ADAMTSL1: variants seen among roughly 807,000 people sequenced by gnomAD.
ADAMTSL1 encodes the protein ADAMTS like 1, also known as ADAMTS-like protein 1.
A neutral mutation model predicts 201.8 loss-of-function variants in ADAMTSL1; 126 were observed. That is an observed-to-expected ratio of 0.62 (90% CI 0.54 to 0.72). The LOEUF is 0.72. ADAMTSL1 is among the 30% of genes least tolerant of loss of function. The probability of loss-of-function intolerance (pLI) is 0.00; values close to 1 mark genes in which losing one functional copy is unlikely to be tolerated. For missense variants in ADAMTSL1, 2,679 were observed against 2,277.8 expected (o/e 1.18, Z -3.59); for synonymous variants, 1,121 against 903.4 (o/e 1.24, Z -4.32).
In ADAMTSL1 at chr9:18,844,831, AC is replaced by A. The variant is rs1357566580; in HGVS notation, c.4249+14857del. ...ATCAGCAAGACTCTGTGGGCATAGGACCCTCCGAGCCATGTGCGGGATATAA... is the reference window on the plus strand; with the variant it reads ...ATCAGCAAGACTCTGTGGGCATAGGACCTCCGAGCCATGTGCGGGATATAA... On this transcript the variant is annotated intron_variant, in intron 23 of 28. Coordinates refer to ENST00000380548, the MANE Select transcript of ADAMTSL1 (RefSeq NM_001040272.6). Among the ~76,000 whole-genome samples, 6 of 152,142 alleles carry A rather than the reference AC, an allele frequency of 3.9e-5. No individual in the cohort carries two copies. In the East Asian group the frequency reaches 1.2e-3, roughly 30 times the overall value.
intron 7 of ADAMTSL1, among the ~76,000 whole-genome samples, chr9:18,653,506 TG>T: frequency 6.6e-6 from 1 of 151,926 alleles, no homozygotes; most frequent in South Asian, 2.1e-4. Flanking sequence ...TTGGGCACAG[TG>T]GCTTATGCCT....
intron 1 of ADAMTSL1, among the ~76,000 whole-genome samples, chr9:18,098,009 A>C (rs1356569804): frequency 6.6e-6 from 1 of 151,968 alleles, no homozygotes; most frequent in Non-Finnish European, 1.5e-5. Flanking sequence ...TTTGTATACA[A>C]TGTAAATTGG....
At chr9:18,086,550 T>C (rs1281324826) in intron 1 of ADAMTSL1, among the ~76,000 whole-genome samples, 4 of 152,222 alleles carry the variant, frequency 2.6e-5, no homozygotes, top group Non-Finnish European at 4.4e-5. Context: ...TTCTTTTACC[T>C]ACTGGTTTAT....
At chr9:18,129,677 A>G (rs116880116) in intron 1 of ADAMTSL1, among the ~76,000 whole-genome samples, 1 of 152,352 alleles carries the variant, frequency 6.6e-6, no homozygotes, top group Non-Finnish European at 1.5e-5. Flanking sequence ...ATTAAAGTAC[A>G]CCATGAACAG....
chr9:18,609,983 T>C (rs1294885916), intron 4 of ADAMTSL1, among the ~76,000 whole-genome samples: 3 of 152,236 alleles, frequency 2.0e-5, no homozygotes, highest in Non-Finnish European at 4.4e-5. Context: ...AGTTGTTGGT[T>C]GCACCACAAT....
rs549399037 is a variant in ADAMTSL1, at chr9:18,654,941, C to T, written c.835-2698C>T. ...AGCTCAGAGATACACAGTAGTGGTT[C>T]ACCTGTGGCTTCCTTTTGCCTCCCT... On this transcript the variant is annotated intron_variant, in intron 7 of 28. Coordinates refer to ENST00000380548, the MANE Select transcript of ADAMTSL1 (RefSeq NM_001040272.6). 3.3e-5 allele frequency among the ~76,000 whole-genome samples: 5 copies of T among 152,316 alleles called. No homozygotes were observed. In the East Asian group the frequency reaches 7.7e-4, roughly 24 times the overall value.
At chr9:18,592,496 T>C (rs1007322067) in intron 4 of ADAMTSL1, among the ~76,000 whole-genome samples, 1 of 152,200 alleles carries the variant, frequency 6.6e-6, no homozygotes, top group Non-Finnish European at 1.5e-5. Context: ...TGTAAGAGGA[T>C]CAGCTTCGAT....
intron 1 of ADAMTSL1, among the ~76,000 whole-genome samples, chr9:18,064,582 C>A (rs10733348): frequency 6.6e-6 from 1 of 151,920 alleles, no homozygotes; most frequent in Non-Finnish European, 1.5e-5. Flanking sequence ...GAGAGCAGAA[C>A]TTCTCTCTCC....
intron 8 of ADAMTSL1, among the ~76,000 whole-genome samples, chr9:18,659,919 TAA>T (rs5896794): frequency 4.0e-5 from 6 of 151,648 alleles, no homozygotes; most frequent in Non-Finnish European, 5.9e-5. Flanking sequence ...TTGTTTTTTT[TAA>T]AAAAAAAAAT....
intron 23 of ADAMTSL1, among the ~76,000 whole-genome samples, chr9:18,854,230 A>T (rs1002317929): frequency 6.6e-6 from 1 of 152,094 alleles, no homozygotes; most frequent in Admixed American, 6.6e-5. Context: ...CCTAACACAC[A>T]TATGCACGCA....
At chr9:18,233,182 G>A (rs1345955914) in intron 2 of ADAMTSL1, among the ~76,000 whole-genome samples, 1 of 152,124 alleles carries the variant, frequency 6.6e-6, no homozygotes, top group Non-Finnish European at 1.5e-5. Context: ...AAAAAGGAAG[G>A]TTCAGTAATC....
intron 15 of ADAMTSL1, among the ~76,000 whole-genome samples, chr9:18,747,548 A>C (rs1267531304): frequency 2.0e-5 from 3 of 152,072 alleles, no homozygotes; most frequent in Non-Finnish European, 4.4e-5. Flanking sequence ...CATGATTTGA[A>C]TTCTCCAGGC....
intron 2 of ADAMTSL1, among the ~76,000 whole-genome samples, chr9:18,364,040 AT>A (rs1275726231): frequency 6.6e-6 from 1 of 152,248 alleles, no homozygotes; most frequent in East Asian, 1.9e-4. Flanking sequence ...TAAGCTGGAA[AT>A]TAAAAGAAAT....
intron 2 of ADAMTSL1, among the ~76,000 whole-genome samples, chr9:18,450,342 T>C (rs1336282157): frequency 6.6e-6 from 1 of 152,178 alleles, no homozygotes. Flanking sequence ...TAGATTTTAC[T>C]GTATTCAACT....
chr9:18,411,196 T>A (rs1178882419), intron 2 of ADAMTSL1, among the ~76,000 whole-genome samples: 3 of 136,656 alleles, frequency 2.2e-5, no homozygotes, highest in Non-Finnish European at 4.6e-5. Context: ...ATTTATTTAT[T>A]TTTATTTATT....
In ADAMTSL1 at chr9:18,839,451, G is replaced by A. The variant is rs150881861; in HGVS notation, c.4249+9474G>A. 4.0e-3 allele frequency among the ~76,000 whole-genome samples: 604 copies of A among 152,236 alleles called. 6 individuals are homozygous for A. The highest frequency in any genetic ancestry group is 0.014 in the African/African-American group (570 of 41,522). ...TCTATCGTTGTTGGACATGTGGCTT[G>A]GTTCCATGTCTTTGCTATTGTGAAT... On this transcript the variant is annotated intron_variant, in intron 23 of 28. Transcript: ENST00000380548.
At chr9:18,089,266 C>T (rs1823901636) in intron 1 of ADAMTSL1, among the ~76,000 whole-genome samples, 1 of 152,084 alleles carries the variant, frequency 6.6e-6, no homozygotes, top group Admixed American at 6.6e-5. Context: ...ACATATATAC[C>T]ATGGAATACT....
At chr9:17,967,321 A>G (rs1818014559) in intron 1 of ADAMTSL1, among the ~76,000 whole-genome samples, 1 of 152,052 alleles carries the variant, frequency 6.6e-6, no homozygotes, top group African/African-American at 2.4e-5. Context: ...ATTATTTATT[A>G]TTTTATAGAT....
intron 14 of ADAMTSL1, among the ~76,000 whole-genome samples, chr9:18,708,994 A>G (rs1414165349): frequency 6.6e-6 from 1 of 152,198 alleles, no homozygotes; most frequent in Non-Finnish European, 1.5e-5. Flanking sequence ...GATACAATTG[A>G]TCTCTACCTA....
Sources: gnomAD v4.1 joint callset for allele counts (sites outside exome capture counted in the v4.1 genomes callset) on GRCh38, gnomAD v4.1.1 for gene constraint, MANE v1.5 for transcripts, NCBI Gene and HGNC (gene_info 2026-07-23, HGNC 2026-07-21) for gene names.